Variants in VAV3 observed in about 807,000 individuals in gnomAD.
VAV3 encodes guanine nucleotide exchange factor VAV3.
VAV3 carries 94 observed loss-of-function variants against 131.2 expected under a neutral mutation model. The observed-to-expected ratio is 0.72, with a 90% CI of 0.61 to 0.85. The LOEUF is 0.85. VAV3 is among the 40% of genes least tolerant of loss of function. The pLI, the probability that VAV3 is intolerant of heterozygous loss-of-function variation, is 0.00. For missense variants in VAV3, 939 were observed against 1,002.7 expected (o/e 0.94, Z 0.86); for synonymous variants, 349 against 342.0 (o/e 1.02, Z -0.22).
At chr1:107,612,476 A>G (rs1326223497) in intron 21 of VAV3, among the ~76,000 whole-genome samples, 2 of 151,966 alleles carry the variant, frequency 1.3e-5, no homozygotes, top group Admixed American at 1.3e-4. Flanking sequence ...TTTTCTGTTC[A>G]TTCATTATGA....
intron 19 of VAV3, among the ~76,000 whole-genome samples, chr1:107,651,489 T>C (rs1656163020): frequency 7.0e-6 from 1 of 141,902 alleles, no homozygotes; most frequent in Admixed American, 7.5e-5. Flanking sequence ...GTGCTCTTTA[T>C]CTCAATTATT....
rs114222383 is a variant in VAV3 at position 107,585,449 on chromosome 1, G to A, written c.2350+10763C>T. Among the ~76,000 whole-genome samples the A allele has an allele frequency of 5.3e-3, 802 of 152,162 alleles. 6 individuals are homozygous for A. The highest frequency in any genetic ancestry group is 0.018 in the African/African-American group (741 of 41,506). ...TCTCCTTTGCCCACATCCCTCCAAT[G>A]GTTTCCTGTTTCTTCAAGGGTAAAA... is the stretch of plus-strand genomic sequence containing the variant. On this transcript the variant is annotated intron_variant, in intron 25 of 26. Transcript: ENST00000370056.
At chr1:107,817,283 G>A (rs987659936) in intron 2 of VAV3, among the ~76,000 whole-genome samples, 2 of 152,124 alleles carry the variant, frequency 1.3e-5, no homozygotes, top group Non-Finnish European at 2.9e-5. Context: ...GGCTTGCAGA[G>A]AGAGAGGAGG....
intron 19 of VAV3, among the ~76,000 whole-genome samples, chr1:107,683,251 G>A (rs1473726605): frequency 6.6e-6 from 1 of 152,222 alleles, no homozygotes; most frequent in Non-Finnish European, 1.5e-5. Flanking sequence ...AGGCTGTTCA[G>A]TAAGCAAATA....
At chr1:107,768,554 C>A in intron 6 of VAV3, 45 bp from the exon 7 acceptor site, 1 of 1,488,814 alleles carries the variant, frequency 6.7e-7, no homozygotes, top group South Asian at 1.2e-5. Flanking sequence ...ATAACTTGTC[C>A]TAATCTATAT....
intron 22 of VAV3, among the ~76,000 whole-genome samples, chr1:107,603,601 T>G (rs1020341393): frequency 6.6e-6 from 1 of 152,192 alleles, no homozygotes; most frequent in Non-Finnish European, 1.5e-5. Flanking sequence ...ATTCTAGCAA[T>G]AAGTTATTTT....
At chr1:107,776,982 C>T (rs1665396747) in intron 4 of VAV3, among the ~76,000 whole-genome samples, 1 of 152,184 alleles carries the variant, frequency 6.6e-6, no homozygotes, top group South Asian at 2.1e-4. Context: ...TTCTGTTATG[C>T]CTTTGAGAAA....
intron 19 of VAV3, among the ~76,000 whole-genome samples, chr1:107,661,282 G>A (rs1656993091): frequency 6.6e-6 from 1 of 152,122 alleles, no homozygotes; most frequent in Non-Finnish European, 1.5e-5. Context: ...CACACAAGAG[G>A]TGCCACTCTT....
intron 19 of VAV3, among the ~76,000 whole-genome samples, chr1:107,663,907 T>C (rs1657222053): frequency 6.6e-6 from 1 of 152,162 alleles, no homozygotes. Context: ...TATGATGCTG[T>C]GGGTTTGAAA....
intron 19 of VAV3, among the ~76,000 whole-genome samples, chr1:107,670,940 C>T (rs1192788655): frequency 6.6e-6 from 1 of 152,084 alleles, no homozygotes; most frequent in Non-Finnish European, 1.5e-5. Flanking sequence ...AAATCATTGG[C>T]CAGATTCTGT....
chr1:107,792,283 T>G (rs1666328468), intron 2 of VAV3, among the ~76,000 whole-genome samples: 1 of 152,166 alleles, frequency 6.6e-6, no homozygotes, highest in Non-Finnish European at 1.5e-5. Flanking sequence ...CAAGAAAACT[T>G]TTCAGTGTTA....
At chr1:107,751,252 A>G (rs7516071) in intron 12 of VAV3, 50 bp from the exon 13 acceptor site, 221,338 of 1,410,186 alleles carry the variant, frequency 0.16, 18,439 homozygotes, top group Middle Eastern at 0.26. Flanking sequence ...ACATGAAAAT[A>G]AAAACAAATA....
chr1:107,727,741 A>G (rs1427160892), intron 15 of VAV3, among the ~76,000 whole-genome samples: 3 of 152,172 alleles, frequency 2.0e-5, no homozygotes, highest in African/African-American at 7.2e-5. Context: ...GACTTGTGTC[A>G]ATATCAAGAG....
chr1:107,739,595 G>A (rs1005868233), intron 15 of VAV3, among the ~76,000 whole-genome samples: 2 of 152,148 alleles, frequency 1.3e-5, no homozygotes, highest in Non-Finnish European at 2.9e-5. Context: ...ATTAAAAACT[G>A]GTCATGCAAG....
intron 6 of VAV3, among the ~76,000 whole-genome samples, chr1:107,768,813 C>CA (rs989996235): frequency 1.3e-5 from 2 of 152,140 alleles, no homozygotes; most frequent in Non-Finnish European, 2.9e-5. Flanking sequence ...AAAATGGCAA[C>CA]ATTTTGGAGA....
At chr1:107,598,355 TCAAAA>T (rs60284097) in intron 24 of VAV3, among the ~76,000 whole-genome samples, 15 of 151,640 alleles carry the variant, frequency 9.9e-5, no homozygotes, top group African/African-American at 2.4e-4. Flanking sequence ...AAACTCTGTC[TCAAAA>T]CAAAACAAAA....
intron 21 of VAV3, among the ~76,000 whole-genome samples, chr1:107,610,626 C>T (rs1440915196): frequency 6.6e-6 from 1 of 152,002 alleles, no homozygotes; most frequent in African/African-American, 2.4e-5. Context: ...ACTTATTTTT[C>T]CATTTGTTTC....
chr1:107,772,695 A>C (rs1665116215), intron 5 of VAV3, 40 bp downstream of exon 5: 1 of 1,528,204 alleles, frequency 6.5e-7, no homozygotes, highest in African/African-American at 1.4e-5. Flanking sequence ...TTTCCTAATA[A>C]AATATTCAGA....
At chr1:107,765,251 T>C in intron 8 of VAV3, 76 bp from the exon 9 acceptor site, 1 of 1,154,306 alleles carries the variant, frequency 8.7e-7, no homozygotes, top group South Asian at 1.3e-5. Flanking sequence ...AGCAGAATCT[T>C]CATCTCTTTA....
Sources: gnomAD v4.1 joint callset for allele counts (sites outside exome capture counted in the v4.1 genomes callset) on GRCh38, gnomAD v4.1.1 for gene constraint, MANE v1.5 for transcripts, NCBI Gene and HGNC (gene_info 2026-07-23, HGNC 2026-07-21) for gene names.